The following CFAP210 variants were observed in gnomAD, a reference collection of about 807,000 sequenced individuals.
CFAP210 encodes cilia and flagella associated protein 210.
chr2:169,687,949 G>A, the CFAP210 span, among the ~76,000 whole-genome samples: 1 of 152,210 alleles, frequency 6.6e-6, no homozygotes, highest in Non-Finnish European at 1.5e-5. Flanking sequence ...CTCAATTCTT[G>A]ACTTCTGTGC....
chr2:169,656,258 C>G, the CFAP210 span, among the ~76,000 whole-genome samples: 1 of 151,240 alleles, frequency 6.6e-6, no homozygotes, highest in African/African-American at 2.4e-5. Context: ...CCACTGCACT[C>G]CAGCCTGGGA....
chr2:169,674,461 G>T, the CFAP210 span: 7 of 848,126 alleles, frequency 8.3e-6, no homozygotes, highest in Admixed American at 1.7e-4. Context: ...CCTCCTTTTT[G>T]TACTTTTTCT....
the CFAP210 span, among the ~76,000 whole-genome samples, chr2:169,677,215 G>A: frequency 6.6e-6 from 1 of 152,094 alleles, no homozygotes. Flanking sequence ...GCAACCCTGC[G>A]TCATAACAAT....
At chr2:169,648,330 TAC>T in the CFAP210 span, 8 of 169,584 alleles carry the variant, frequency 4.7e-5, no homozygotes, top group Admixed American at 1.2e-4. Flanking sequence ...GTTTAACATG[TAC>T]AGAGTTTTAG....
chr2:169,684,612 T>C, the CFAP210 span, among the ~76,000 whole-genome samples: 1 of 152,144 alleles, frequency 6.6e-6, no homozygotes, highest in South Asian at 2.1e-4. Context: ...CAAGGTTCAT[T>C]CACATTGTAG....
At chr2:169,647,342 G>A in the CFAP210 span, among the ~76,000 whole-genome samples, 1 of 152,112 alleles carries the variant, frequency 6.6e-6, no homozygotes, top group Non-Finnish European at 1.5e-5. Flanking sequence ...AGTGACAATG[G>A]AAGGAAAGAA....
the CFAP210 span, among the ~76,000 whole-genome samples, chr2:169,692,169 A>T: frequency 6.6e-6 from 1 of 152,020 alleles, no homozygotes; most frequent in African/African-American, 2.4e-5. Context: ...AAAGCCCCCT[A>T]TGGACATATC....
chr2:169,650,078 T>G, the CFAP210 span, among the ~76,000 whole-genome samples: 1 of 152,344 alleles, frequency 6.6e-6, no homozygotes, highest in Admixed American at 6.5e-5. Flanking sequence ...ACAAATAACC[T>G]TTGCGTTTCA....
At chr2:169,653,404 G>A in the CFAP210 span, among the ~76,000 whole-genome samples, 1 of 151,798 alleles carries the variant, frequency 6.6e-6, no homozygotes, top group African/African-American at 2.4e-5. Flanking sequence ...GGTAGGTGGA[G>A]AGCCTTATGG....
the CFAP210 span, among the ~76,000 whole-genome samples, chr2:169,673,073 GAAGT>G: frequency 2.0e-5 from 3 of 152,204 alleles, no homozygotes; most frequent in Admixed American, 1.3e-4. Context: ...CCCACCATGA[GAAGT>G]AAGTAAAGGA....
the CFAP210 span, among the ~76,000 whole-genome samples, chr2:169,660,511 G>A: frequency 6.7e-6 from 1 of 149,880 alleles, no homozygotes; most frequent in Admixed American, 6.7e-5. Flanking sequence ...TTTGCACTTG[G>A]TTTGTGTCTA....
chr2:169,675,729 C>A, the CFAP210 span, among the ~76,000 whole-genome samples: 1 of 152,180 alleles, frequency 6.6e-6, no homozygotes, highest in African/African-American at 2.4e-5. Flanking sequence ...CTGCAATCTC[C>A]TCTCATTCTA....
chr2:169,682,495 C>CAT, the CFAP210 span, among the ~76,000 whole-genome samples: 1 of 152,072 alleles, frequency 6.6e-6, no homozygotes, highest in Non-Finnish European at 1.5e-5. Flanking sequence ...TACACACACA[C>CAT]ACACACACAA....
the CFAP210 span, chr2:169,649,372 A>G: frequency 6.3e-7 from 1 of 1,592,160 alleles, no homozygotes; most frequent in Non-Finnish European, 8.6e-7. Flanking sequence ...CAAAGGAAAC[A>G]TATAAAACCA....
chr2:169,662,250 C>A, the CFAP210 span: 2 of 1,583,620 alleles, frequency 1.3e-6, no homozygotes, highest in Non-Finnish European at 8.5e-7. Flanking sequence ...GACTTTGAAC[C>A]TTTTTGGAAC....
chr2:169,678,682 G>A, the CFAP210 span, among the ~76,000 whole-genome samples: 23 of 151,876 alleles, frequency 1.5e-4, no homozygotes, highest in East Asian at 9.8e-4. Context: ...AAAATTAGCC[G>A]GGCATGATGG....
chr2:169,649,491 T>C, the CFAP210 span: 4 of 667,704 alleles, frequency 6.0e-6, no homozygotes, highest in South Asian at 8.4e-5. Flanking sequence ...CCTGGGGTGG[T>C]TCCCATGCGG....
At chr2:169,675,109 AAT>A in the CFAP210 span, 1 of 1,061,126 alleles carries the variant, frequency 9.4e-7, no homozygotes, top group South Asian at 2.8e-5. Context: ...TTAACATAAT[AAT>A]ATGATAATTT....
chr2:169,648,823 T>C, the CFAP210 span, among the ~76,000 whole-genome samples: 2 of 152,176 alleles, frequency 1.3e-5, no homozygotes, highest in African/African-American at 4.8e-5. Flanking sequence ...AAATCTGATA[T>C]CTCCATTCCT....
Sources: allele counts gnomAD v4.1 joint callset (sites outside exome capture counted in the v4.1 genomes callset), GRCh38; gene constraint gnomAD v4.1.1; transcripts MANE v1.5; gene names NCBI Gene and HGNC (gene_info 2026-07-23, HGNC 2026-07-21).